The following OPA1 variants were observed in gnomAD, a reference collection of about 807,000 sequenced individuals.
OPA1 encodes dynamin-like GTPase OPA1, mitochondrial.
Under a neutral mutation model 152.9 loss-of-function variants are expected in OPA1, and 59 were observed. The observed-to-expected ratio is 0.39, with a 90% confidence interval of 0.31 to 0.48. The LOEUF (loss-of-function observed/expected upper bound fraction) is 0.48, where lower values mean the gene tolerates loss of function less well. Ranked by LOEUF, OPA1 falls within the 20% of genes least tolerant of loss-of-function variation. OPA1 has a pLI of 0.96. For synonymous variants in OPA1, 400 were observed against 389.9 expected (o/e 1.03, Z -0.31); for missense variants, 1,008 against 1,216.8 (o/e 0.83, Z 2.55).
rs75130725 is a variant in OPA1, at chr3:193,665,530, C to G, written c.2778+534C>G. Among the ~76,000 whole-genome samples the G allele has an allele frequency of 5.6e-3, 856 of 152,136 alleles. 10 individuals carry two copies. Among genetic ancestry groups the G allele is most frequent in the African/African-American group, 0.019 (801 of 41,536 alleles). ...TCTTGTTTTAAATAATCATAAAGTT[C>G]TTGTATTAAAATGATTCATAATTTA... On this transcript the variant is annotated intron_variant, in intron 27 of 30. Coordinates refer to ENST00000361510, the MANE Select transcript of OPA1 (RefSeq NM_130837.3).
rs917209099 is a variant in OPA1 at position 193,615,721 on chromosome 3, A to G, written c.399A>G (p.Lys133=). ...KDMIPDLSEY[K]WIVPDIVWEI... ...TGATACCGGACCTTAGTGAATATAA[A>G]TGGATTGTGCCTGACATTGTGTGGG... Residue 133 remains lysine (K), a synonymous_variant, in exon 3 of 31, where the codon AAA becomes AAG. Coordinates refer to ENST00000361510, the MANE Select transcript of OPA1 (RefSeq NM_130837.3). 1 of 1,612,964 alleles carries G rather than the reference A, an allele frequency of 6.2e-7. No individual in the cohort carries two copies. Among genetic ancestry groups the G allele is most frequent in the Admixed American group, 1.7e-5 (1 of 60,034 alleles).
chr3:193,631,940 T>G (rs1205278825), intron 8 of OPA1, among the ~76,000 whole-genome samples: 1 of 152,210 alleles, frequency 6.6e-6, no homozygotes, highest in Non-Finnish European at 1.5e-5. Flanking sequence ...TATAAACTTA[T>G]GCTTGCATTT....
At chr3:193,687,895 C>CT (rs1372088661) in intron 29 of OPA1, among the ~76,000 whole-genome samples, 3 of 152,284 alleles carry the variant, frequency 2.0e-5, no homozygotes, top group African/African-American at 7.2e-5. Flanking sequence ...CTCTTTCAGC[C>CT]TTGATAATAA....
intron 25 of OPA1, among the ~76,000 whole-genome samples, chr3:193,662,365 G>A (rs959710483): frequency 6.6e-6 from 1 of 152,146 alleles, no homozygotes; most frequent in Non-Finnish European, 1.5e-5. Flanking sequence ...AAAGAAACAT[G>A]TCAACAAGTT....
In OPA1 at chr3:193,635,504, T is replaced by C; in HGVS notation, c.930T>C (p.Ile310=). ...TATTGCAGAAAGATGACAAAGGCATTCATCATAGAAAGCTTAAGGTATTCT... is the reference window on the plus strand; with the variant it reads ...TATTGCAGAAAGATGACAAAGGCATCCATCATAGAAAGCTTAAGGTATTCT... The part of the protein sequence containing the change: ...KLVLQKDDKG[I]HHRKLKKSLI... The change falls in exon 9 of 31, where the codon ATT becomes ATC. Residue 310 remains isoleucine (I), a synonymous_variant. Transcript: ENST00000361510. 6.3e-7 allele frequency: 1 copy of C among 1,599,566 alleles called. No individual in the cohort carries two copies. The highest frequency in any genetic ancestry group is 2.2e-5 in the East Asian group (1 of 44,612).
intron 3 of OPA1, 152 bp from the exon 4 acceptor site, chr3:193,617,026 C>G: frequency 1.7e-6 from 1 of 582,386 alleles, no homozygotes; most frequent in Non-Finnish European, 3.1e-6. Flanking sequence ...TGCTGTGTAC[C>G]TTAGTTTCTC....
intron 1 of OPA1, among the ~76,000 whole-genome samples, chr3:193,603,154 A>G (rs765496099): frequency 5.9e-5 from 9 of 152,236 alleles, no homozygotes; most frequent in Admixed American, 1.3e-4. Flanking sequence ...TGTCTGTTCC[A>G]TGATGAGCTG....
At position 193,657,178 on chromosome 3, in the gene OPA1, T is replaced by G; in HGVS notation, c.2277T>G (p.Val759=). ...TATTTGATAAACTTAAAGAGGCTGT[T>G]AAGGAAGAAAGTATTAAACGACACA... ...DDIFDKLKEA[V]KEESIKRHKW... is the part of the protein sequence containing the mutation. Residue 759 remains valine (V), a synonymous_variant, in exon 23 of 31, where the codon GTT becomes GTG. Coordinates refer to ENST00000361510, the MANE Select transcript of OPA1 (RefSeq NM_130837.3). 1 of 1,614,028 alleles carries G rather than the reference T, an allele frequency of 6.2e-7. No homozygotes were observed. The highest frequency in any genetic ancestry group is 8.5e-7 in the Non-Finnish European group (1 of 1,179,944).
intron 29 of OPA1, among the ~76,000 whole-genome samples, chr3:193,679,130 G>C (rs1173212610): frequency 6.6e-6 from 1 of 152,144 alleles, no homozygotes; most frequent in African/African-American, 2.4e-5. Flanking sequence ...GGGCCTGTTG[G>C]GGCGTGGGGG....
At chr3:193,668,300 C>T (rs1431126534) in intron 29 of OPA1, 1 of 1,535,602 alleles carries the variant, frequency 6.5e-7, no homozygotes, top group Non-Finnish European at 8.8e-7. Flanking sequence ...GAAGATATGT[C>T]CTTTTCCATT....
intron 29 of OPA1, among the ~76,000 whole-genome samples, chr3:193,690,701 A>G (rs1323906070): frequency 2.0e-5 from 3 of 152,146 alleles, no homozygotes; most frequent in Non-Finnish European, 2.9e-5. Flanking sequence ...TGTATCTTCA[A>G]TTGCAGATTA....
chr3:193,625,275 G>A (rs1459333495), intron 6 of OPA1, among the ~76,000 whole-genome samples: 1 of 152,048 alleles, frequency 6.6e-6, no homozygotes, highest in Non-Finnish European at 1.5e-5. Flanking sequence ...GTGATTTTTT[G>A]TGCATAGGTC....
At chr3:193,669,971 T>C (rs942507800) in intron 29 of OPA1, among the ~76,000 whole-genome samples, 3 of 152,186 alleles carry the variant, frequency 2.0e-5, no homozygotes, top group Non-Finnish European at 2.9e-5. Context: ...TACCAAATAA[T>C]GTCCTTGGAA....
chr3:193,604,631 C>A (rs1232180703), intron 1 of OPA1, among the ~76,000 whole-genome samples: 1 of 152,114 alleles, frequency 6.6e-6, no homozygotes, highest in Non-Finnish European at 1.5e-5. Flanking sequence ...GAGGCTGAGG[C>A]AGGCGGATCA....
intron 29 of OPA1, among the ~76,000 whole-genome samples, chr3:193,675,327 GAAAAAAAAAA>G (rs988338349): frequency 2.2e-4 from 14 of 63,402 alleles, no homozygotes; most frequent in African/African-American, 7.9e-4. Flanking sequence ...TTTTTTTTAA[GAAAAAAAAAA>G]AAAAAAAAAA....
chr3:193,651,501 T>C (rs1344666496), intron 21 of OPA1, among the ~76,000 whole-genome samples: 1 of 152,226 alleles, frequency 6.6e-6, no homozygotes, highest in Non-Finnish European at 1.5e-5. Flanking sequence ...ATGCAAATGA[T>C]ATATTTGACA....
rs1274081035 is a variant in OPA1 at position 193,695,557 on chromosome 3, GAATA to G, written c.*960_*963del. On this transcript the variant is annotated 3_prime_UTR_variant, in exon 31 of 31. Coordinates refer to ENST00000361510, the MANE Select transcript of OPA1 (RefSeq NM_130837.3). ...AATGTTGACCATCCCCCTCTCAGCT[GAATA>G]AAGAAAAATTTAGTTCAATTTATTG... 2 of 152,038 alleles carry G rather than the reference GAATA, an allele frequency of 1.3e-5. No homozygotes were observed. The highest frequency in any genetic ancestry group is 4.8e-5 in the African/African-American group (2 of 41,406). The allele number at this position is 152,038 out of a possible 1,614,324, so 9.4% of individuals were successfully genotyped here.
At chr3:193,655,758 A>G (rs1713661205) in intron 22 of OPA1, among the ~76,000 whole-genome samples, 1 of 152,174 alleles carries the variant, frequency 6.6e-6, no homozygotes, top group Non-Finnish European at 1.5e-5. Context: ...GGTCCTCATC[A>G]TCTGAATTGA....
chr3:193,658,247 A>G (rs1714368069), intron 23 of OPA1, among the ~76,000 whole-genome samples: 1 of 56,076 alleles, frequency 1.8e-5, no homozygotes, highest in Non-Finnish European at 3.7e-5. Flanking sequence ...CTCCGTTTTC[A>G]AAAAAAAAAA....
Sources: allele counts gnomAD v4.1 joint callset (sites outside exome capture counted in the v4.1 genomes callset), GRCh38; gene constraint gnomAD v4.1.1; transcripts MANE v1.5; gene names NCBI Gene and HGNC (gene_info 2026-07-23, HGNC 2026-07-21).